The following FHAD1 variants were observed in gnomAD, a reference collection of about 807,000 sequenced individuals.
FHAD1 encodes the protein forkhead-associated domain-containing protein 1.
In FHAD1, 146 loss-of-function variants were observed where a neutral mutation model predicts 191.3. The ratio of observed to expected loss-of-function variants is 0.76; its 90% CI spans 0.67 to 0.88. FHAD1 has a LOEUF of 0.88. FHAD1 is among the 40% of genes least tolerant of loss of function. The probability of loss-of-function intolerance (pLI) is 0.00; values close to 1 mark genes in which losing one functional copy is unlikely to be tolerated. For missense variants in FHAD1, 1,635 were observed against 1,785.8 expected (o/e 0.92, Z 1.52); for synonymous variants, 616 against 672.3 (o/e 0.92, Z 1.29).
Position 15,341,849 on chromosome 1 carries a change from G to T in FHAD1, c.2091G>T (p.Lys697Asn), listed in dbSNP as rs1431814895. 11 of 1,551,696 alleles carry T rather than the reference G, an allele frequency of 7.1e-6. No homozygotes were observed. The highest frequency in any genetic ancestry group is 2.4e-5 in the South Asian group (2 of 84,046). ...AGGAGAGGCTAGAGCAAGAGGAGAA[G>T]CTCAAAGCCAAAATCAGGCAACTGA... ...LNEERLEQEE[K>N]LKAKIRQLTE... Residue 697 changes from lysine to asparagine, a missense_variant, in exon 16 of 34, where the codon AAG (lysine) becomes AAT (asparagine). Transcript: ENST00000688493.
At chr1:15,392,837 A>G (rs928496912) in intron 33 of FHAD1, among the ~76,000 whole-genome samples, 1 of 151,994 alleles carries the variant, frequency 6.6e-6, no homozygotes, top group African/African-American at 2.4e-5. Flanking sequence ...CGTGGGCTAT[A>G]TGCTATAAAG....
intron 3 of FHAD1, among the ~76,000 whole-genome samples, chr1:15,279,467 C>T (rs1659693892): frequency 6.6e-6 from 1 of 151,600 alleles, no homozygotes; most frequent in African/African-American, 2.4e-5. Flanking sequence ...TTTGGAGCCC[C>T]CCCTCCCTCT....
At chr1:15,290,073 C>A (rs1339206733) in intron 4 of FHAD1, among the ~76,000 whole-genome samples, 1 of 152,182 alleles carries the variant, frequency 6.6e-6, no homozygotes, top group Non-Finnish European at 1.5e-5. Context: ...ATTTTACCAC[C>A]ATTTTACAGG....
chr1:15,271,140 G>GAAAAAAAAAAAAAAAAA (rs543401814), intron 2 of FHAD1, among the ~76,000 whole-genome samples: 1 of 76,678 alleles, frequency 1.3e-5, no homozygotes. Context: ...CTCCATCTCG[G>GAAAAAAAAAAAAAAAAA]AAAAAAAAAA....
At chr1:15,341,699 C>G in intron 15 of FHAD1, 37 bp from the exon 16 acceptor site, 2 of 1,520,864 alleles carry the variant, frequency 1.3e-6, no homozygotes, top group Non-Finnish European at 8.9e-7. Flanking sequence ...TTAGGCCTGT[C>G]CCCCATCAGC....
rs376038532 is a variant in FHAD1 at position 15,257,109 on chromosome 1, A to G, written c.93+5232A>G. Reference sequence around the variant, plus strand: ...AAGTCTTTTTTATTATTATTAAACAATGCTGTACTGAATACCTTTTACCCA... The same window carrying G: ...AAGTCTTTTTTATTATTATTAAACAGTGCTGTACTGAATACCTTTTACCCA... On this transcript the variant is annotated intron_variant, in intron 2 of 33. Transcript: ENST00000688493. Among the ~76,000 whole-genome samples, 11 of 152,226 alleles carry G rather than the reference A, an allele frequency of 7.2e-5. No homozygotes were observed. In the South Asian group the frequency reaches 1.9e-3, roughly 26 times the overall value.
At chr1:15,266,635 G>A (rs986537604) in intron 2 of FHAD1, among the ~76,000 whole-genome samples, 4 of 152,016 alleles carry the variant, frequency 2.6e-5, no homozygotes, top group Admixed American at 1.3e-4. Context: ...CATTCTTCAC[G>A]TTATAAAGTT....
intron 1 of FHAD1, among the ~76,000 whole-genome samples, chr1:15,250,056 G>A (rs1418786886): frequency 6.6e-6 from 1 of 152,184 alleles, no homozygotes. Flanking sequence ...AATGATGATA[G>A]AGATGATGAT....
chr1:15,324,758 G>A (rs1677652519), intron 11 of FHAD1, 199 bp downstream of exon 11: 1 of 586,404 alleles, frequency 1.7e-6, no homozygotes, highest in Non-Finnish European at 3.1e-6. Flanking sequence ...GCTGCTGGGA[G>A]GCCTCCCACT....
At chr1:15,374,448 A>G (rs1332038574) in intron 26 of FHAD1, 54 bp from the exon 27 acceptor site, 1 of 1,545,000 alleles carries the variant, frequency 6.5e-7, no homozygotes, top group Non-Finnish European at 8.8e-7. Context: ...CTGTGAATGT[A>G]AGAGAAATCT....
At chr1:15,375,208 C>T (rs918856818) in intron 27 of FHAD1, among the ~76,000 whole-genome samples, 1 of 152,146 alleles carries the variant, frequency 6.6e-6, no homozygotes. Context: ...TGGATGAATA[C>T]TGTCTAAGGA....
chr1:15,367,739 T>G (rs1282102560), intron 25 of FHAD1, 117 bp downstream of exon 25: 1 of 811,152 alleles, frequency 1.2e-6, no homozygotes, highest in Admixed American at 2.6e-5. Context: ...ATGAATGATA[T>G]GTGTTTCATG....
intron 2 of FHAD1, among the ~76,000 whole-genome samples, chr1:15,266,612 T>G (rs751678730): frequency 1.3e-5 from 2 of 152,144 alleles, no homozygotes; most frequent in Non-Finnish European, 2.9e-5. Flanking sequence ...AGCCCAGAGT[T>G]TACATTAGGA....
intron 21 of FHAD1, among the ~76,000 whole-genome samples, chr1:15,359,685 T>TA (rs919269814): frequency 1.9e-4 from 28 of 147,218 alleles, no homozygotes; most frequent in South Asian, 6.4e-4. Context: ...CCATCTCCAC[T>TA]AAAAAAAAAA....
chr1:15,339,219 G>A (rs1273742639), intron 14 of FHAD1, among the ~76,000 whole-genome samples: 4 of 152,042 alleles, frequency 2.6e-5, no homozygotes, highest in South Asian at 2.1e-4. Flanking sequence ...GTTTTATCAC[G>A]CTGGCCAGCC....
intron 19 of FHAD1, among the ~76,000 whole-genome samples, chr1:15,350,924 G>A (rs558485835): frequency 6.6e-6 from 1 of 152,234 alleles, no homozygotes; most frequent in South Asian, 2.1e-4. Context: ...CTAAGGGGTG[G>A]GATCCAAACT....
chr1:15,258,584 CT>C (rs951362853), intron 2 of FHAD1, among the ~76,000 whole-genome samples: 188 of 131,078 alleles, frequency 1.4e-3, no homozygotes, highest in Non-Finnish European at 2.0e-3. Flanking sequence ...CTCTGTCTCT[CT>C]TTTTTTTTTT....
At chr1:15,267,541 T>G (rs1391337000) in intron 2 of FHAD1, among the ~76,000 whole-genome samples, 1 of 152,102 alleles carries the variant, frequency 6.6e-6, no homozygotes. Flanking sequence ...CATTTCTTCC[T>G]TAAATGTCTG....
chr1:15,386,920 T>C (rs907139574), intron 31 of FHAD1, among the ~76,000 whole-genome samples: 4 of 151,668 alleles, frequency 2.6e-5, no homozygotes, highest in African/African-American at 9.7e-5. Flanking sequence ...TGGAGTGCCG[T>C]GGCACAATCT....
Sources: allele counts gnomAD v4.1 joint callset (sites outside exome capture counted in the v4.1 genomes callset), GRCh38; gene constraint gnomAD v4.1.1; transcripts MANE v1.5; gene names NCBI Gene and HGNC (gene_info 2026-07-23, HGNC 2026-07-21).